Variants in DNTT observed in about 807,000 individuals in gnomAD.
DNTT encodes the protein DNA nucleotidylexotransferase.
DNTT carries 47 observed loss-of-function variants against 60.9 expected under a neutral mutation model. That is an observed-to-expected ratio of 0.77 (90% confidence interval 0.61 to 0.98). The LOEUF (loss-of-function observed/expected upper bound fraction) is 0.98. Among genes scored for constraint, DNTT ranks in the 50% least tolerant of loss-of-function variants. The pLI, the probability that DNTT is intolerant of heterozygous loss-of-function variation, is 0.00. For missense variants in DNTT, 665 were observed against 627.5 expected, an observed-to-expected ratio of 1.06 and a Z score of -0.64; for synonymous variants, 224 against 221.2, an observed-to-expected ratio of 1.01 and a Z score of -0.11.
chr10:96,308,716 A>G (rs909532043), intron 1 of DNTT, among the ~76,000 whole-genome samples: 1 of 152,174 alleles, frequency 6.6e-6, no homozygotes, highest in Admixed American at 6.5e-5. Flanking sequence ...TGGGATTATC[A>G]TTAGTTCTTA....
intron 1 of DNTT, among the ~76,000 whole-genome samples, chr10:96,307,496 A>C (rs1046162595): frequency 1.3e-5 from 2 of 150,318 alleles, no homozygotes; most frequent in African/African-American, 4.9e-5. Flanking sequence ...CTGGGACTAC[A>C]GGCACGCGTC....
intron 4 of DNTT, 144 bp downstream of exon 4, chr10:96,320,932 TCCTCTGTCTCTC>T: frequency 1.4e-6 from 1 of 734,664 alleles, no homozygotes. Context: ...CCTCTCTCTC[TCCTCTGTCTCTC>T]TCTCTCTCTC....
Position 96,338,532 on chromosome 10 carries a change from C to T in DNTT, c.*308C>T, listed in dbSNP as rs2133998677. The T allele has an allele frequency of 4.8e-6, 1 of 206,202 alleles. No homozygotes were observed. Among genetic ancestry groups the T allele is most frequent in the East Asian group, 1.1e-4 (1 of 8,776 alleles). 12.8% of individuals were successfully genotyped at this position (206,202 alleles called of 1,614,324 possible). A position where few individuals can be genotyped will look rare whatever the true frequency, so the allele number is the denominator to read the frequency against. On this transcript the variant is annotated 3_prime_UTR_variant, in exon 11 of 11. Coordinates refer to ENST00000371174, the MANE Select transcript of DNTT (RefSeq NM_004088.4). ...CTTTGTTCGCAGTGTAGCTGAAATACTGTCTATCTCTAATAAAAACAGGAG... is the reference window on the plus strand; with the variant it reads ...CTTTGTTCGCAGTGTAGCTGAAATATTGTCTATCTCTAATAAAAACAGGAG...
At chr10:96,322,606 C>G in intron 4 of DNTT, 51 bp from the exon 5 acceptor site, 1 of 1,458,910 alleles carries the variant, frequency 6.9e-7, no homozygotes, top group Non-Finnish European at 9.5e-7. Context: ...GAGTCTTAGA[C>G]AGTAATTGTC....
At chr10:96,307,808 G>A (rs1472623604) in intron 1 of DNTT, among the ~76,000 whole-genome samples, 2 of 112,314 alleles carry the variant, frequency 1.8e-5, no homozygotes, top group Non-Finnish European at 3.5e-5. Context: ...GTCTTGTTCT[G>A]TCACGCAGGC....
At chr10:96,319,418 G>A in intron 3 of DNTT, 28 bp downstream of exon 3, 1 of 1,609,842 alleles carries the variant, frequency 6.2e-7, no homozygotes, top group Non-Finnish European at 8.5e-7. Context: ...CAACACCCAG[G>A]GCAAACGAAG....
Position 96,319,341 on chromosome 10 carries a change from A to G in DNTT, c.458A>G (p.Tyr153Cys). Residue 153 changes from tyrosine to cysteine, a missense_variant, in exon 3 of 11, where the codon TAT becomes TGT. By Grantham distance (194) the Tyr-to-Cys change is radical (BLOSUM62 -2). Transcript: ENST00000371174. ...ATTGCTGTACAAAAGATCTCCCAGT[A>G]TGCGTGTCAGAGAAGAACCACTTTA... Reference protein sequence around the residue: ...PPIAVQKISQYACQRRTTLNN... With the variant: ...PPIAVQKISQCACQRRTTLNN... 4 of 1,613,878 alleles carry G rather than the reference A, an allele frequency of 2.5e-6. No homozygotes were observed. The highest frequency in any genetic ancestry group is 3.4e-6 in the Non-Finnish European group (4 of 1,179,788).
At chr10:96,333,017 T>C (rs1190199447) in intron 9 of DNTT, among the ~76,000 whole-genome samples, 2 of 151,902 alleles carry the variant, frequency 1.3e-5, no homozygotes, top group African/African-American at 4.8e-5. Context: ...AAACAATTAA[T>C]AAAGTGGAGA....
intron 4 of DNTT, among the ~76,000 whole-genome samples, chr10:96,321,759 C>A (rs922771439): frequency 6.6e-6 from 1 of 152,084 alleles, no homozygotes; most frequent in East Asian, 1.9e-4. Flanking sequence ...ACCTGATGGT[C>A]GCCTGACATT....
At chr10:96,324,740 G>C (rs535992134) in intron 6 of DNTT, among the ~76,000 whole-genome samples, 15 of 152,322 alleles carry the variant, frequency 9.8e-5, no homozygotes, top group Non-Finnish European at 1.5e-4. Flanking sequence ...TGTCAAGCCA[G>C]GTTGTGCTGC....
chr10:96,330,597 G>A (rs1256286776), intron 8 of DNTT, among the ~76,000 whole-genome samples: 5 of 152,096 alleles, frequency 3.3e-5, no homozygotes, highest in Admixed American at 1.3e-4. Flanking sequence ...TCTTCAAGGC[G>A]TTGAAGGGTG....
chr10:96,335,954 G>T lies in DNTT; in HGVS notation c.1423G>T (p.Ala475Ser), dbSNP rs1845064111. 5.0e-6 allele frequency: 8 copies of T among 1,614,196 alleles called. No individual in the cohort carries two copies. In the East Asian group the frequency reaches 1.6e-4, roughly 31 times the overall value. ...HERKMILDNH[A>S]LYDKTKRIFL... The stretch of plus-strand genomic sequence containing the variant: ...GCGGAAGATGATTCTGGATAACCAT[G>T]CTTTATATGACAAGACCAAGGTACA... The change falls in exon 10 of 11, where the codon GCT becomes TCT. Residue 475 changes from alanine (A) to serine (S), a missense_variant. Physicochemically the swap from Ala to Ser is moderately conservative, Grantham distance 99 (BLOSUM62 1). Coordinates refer to ENST00000371174, the MANE Select transcript of DNTT (RefSeq NM_004088.4).
At chr10:96,310,566 C>A (rs1252983584) in intron 1 of DNTT, among the ~76,000 whole-genome samples, 1 of 152,182 alleles carries the variant, frequency 6.6e-6, no homozygotes, top group African/African-American at 2.4e-5. Flanking sequence ...CTCCTGAAAG[C>A]CCCCAGAGAG....
intron 1 of DNTT, among the ~76,000 whole-genome samples, chr10:96,307,502 G>A (rs1844653919): frequency 1.3e-5 from 2 of 150,666 alleles, no homozygotes; most frequent in South Asian, 2.1e-4. Flanking sequence ...CTACAGGCAC[G>A]CGTCAGCACG....
intron 1 of DNTT, 92 bp downstream of exon 1, chr10:96,304,792 T>G: frequency 7.2e-7 from 1 of 1,387,678 alleles, no homozygotes; most frequent in Non-Finnish European, 9.7e-7. Flanking sequence ...CTTCCACATG[T>G]GGAAGAGGTG....
intron 10 of DNTT, among the ~76,000 whole-genome samples, chr10:96,337,572 A>G (rs1302888185): frequency 1.3e-5 from 2 of 152,256 alleles, no homozygotes; most frequent in Non-Finnish European, 2.9e-5. Flanking sequence ...CTATGTGCCT[A>G]GCACCGTGCT....
Position 96,327,532 on chromosome 10 carries a change from G to C in DNTT, c.939G>C (p.Val313=), listed in dbSNP as rs967529436. The C allele has an allele frequency of 1.9e-6, 3 of 1,614,014 alleles. No individual in the cohort carries two copies. In the African/African-American group the frequency reaches 4.0e-5, roughly 22 times the overall value. The change falls in exon 7 of 11, where the codon GTG becomes GTC. Residue 313 remains valine, a synonymous_variant. Coordinates refer to ENST00000371174, the MANE Select transcript of DNTT (RefSeq NM_004088.4). ...VTRAEAEAVS[V]LVKEAVWAFL... ...GGGCAGAAGCAGAGGCCGTCAGTGTGCTGGTTAAAGAGGCTGTCTGGGCAT... is the reference window on the plus strand; with the variant it reads ...GGGCAGAAGCAGAGGCCGTCAGTGTCCTGGTTAAAGAGGCTGTCTGGGCAT...
intron 5 of DNTT, 37 bp downstream of exon 5, chr10:96,322,765 T>G (rs760104403): frequency 3.3e-6 from 5 of 1,511,862 alleles, no homozygotes; most frequent in Non-Finnish European, 4.5e-6. Flanking sequence ...AAAATTGTTT[T>G]TCAGTTAATC....
At chr10:96,320,371 C>T (rs879936131) in intron 3 of DNTT, among the ~76,000 whole-genome samples, 2 of 152,208 alleles carry the variant, frequency 1.3e-5, no homozygotes, top group Non-Finnish European at 2.9e-5. Flanking sequence ...GTTAAATCAT[C>T]TGTGAATGTT....
Sources: gnomAD v4.1 joint callset for allele counts (sites outside exome capture counted in the v4.1 genomes callset) on GRCh38, gnomAD v4.1.1 for gene constraint, MANE v1.5 for transcripts, NCBI Gene and HGNC (gene_info 2026-07-23, HGNC 2026-07-21) for gene names.